Variants in IFT52 observed in about 807,000 individuals in gnomAD.
IFT52 encodes the protein intraflagellar transport protein 52 homolog.
A neutral mutation model predicts 54.4 loss-of-function variants in IFT52; 44 were observed. The observed-to-expected ratio is 0.81, with a 90% CI of 0.63 to 1.04. The LOEUF (loss-of-function observed/expected upper bound fraction) is 1.04, where lower values mean the gene tolerates loss of function less well. Ranked by LOEUF, IFT52 falls within the 50% of genes least tolerant of loss-of-function variation. The pLI is 0.00. For synonymous variants in IFT52, 181 were observed against 185.3 expected, an observed-to-expected ratio of 0.98 and a Z score of 0.19; for missense variants, 452 against 523.6, an observed-to-expected ratio of 0.86 and a Z score of 1.33.
intron 1 of IFT52, among the ~76,000 whole-genome samples, chr20:43,591,789 G>C (rs1203842282): frequency 6.6e-6 from 1 of 152,106 alleles, no homozygotes; most frequent in Non-Finnish European, 1.5e-5. Flanking sequence ...CGTAGTCCTG[G>C]CTACTTGGTA....
intron 12 of IFT52, among the ~76,000 whole-genome samples, chr20:43,641,583 T>C (rs1296861473): frequency 2.0e-5 from 3 of 151,146 alleles, no homozygotes; most frequent in Non-Finnish European, 4.4e-5. Flanking sequence ...AACCTCCGCC[T>C]CCCAGGGTTA....
chr20:43,600,067 A>T (rs1171788497), intron 3 of IFT52, among the ~76,000 whole-genome samples: 1 of 152,202 alleles, frequency 6.6e-6, no homozygotes, highest in African/African-American at 2.4e-5. Flanking sequence ...ATGCATATAT[A>T]TACTAGAAGA....
At chr20:43,623,455 G>T (rs1326885511) in intron 9 of IFT52, among the ~76,000 whole-genome samples, 2 of 152,176 alleles carry the variant, frequency 1.3e-5, no homozygotes, top group Non-Finnish European at 2.9e-5. Flanking sequence ...CCAAAGTGTT[G>T]TAGGTGTGAG....
chr20:43,638,207 T>G (rs916819874), intron 12 of IFT52, among the ~76,000 whole-genome samples: 2 of 138,460 alleles, frequency 1.4e-5, no homozygotes, highest in Admixed American at 7.2e-5. Flanking sequence ...TTTTTTTTTT[T>G]GAGACAAAGT....
chr20:43,604,391 G>A, intron 5 of IFT52, 133 bp downstream of exon 5: 1 of 587,074 alleles, frequency 1.7e-6, no homozygotes, highest in Non-Finnish European at 3.0e-6. Flanking sequence ...CCAACATGGT[G>A]AAACCCCATC....
At chr20:43,592,971 C>T (rs993757487) in intron 1 of IFT52, among the ~76,000 whole-genome samples, 5 of 152,188 alleles carry the variant, frequency 3.3e-5, no homozygotes, top group South Asian at 2.1e-4. Flanking sequence ...CACTGGTGCG[C>T]GCCTGTAGTC....
At chr20:43,629,899 A>T (rs1985038645) in intron 10 of IFT52, among the ~76,000 whole-genome samples, 1 of 152,230 alleles carries the variant, frequency 6.6e-6, no homozygotes, top group Non-Finnish European at 1.5e-5. Flanking sequence ...AGAGAAATTA[A>T]GTGATTTGCT....
At chr20:43,614,810 T>C (rs1464351340) in intron 7 of IFT52, among the ~76,000 whole-genome samples, 2 of 130,790 alleles carry the variant, frequency 1.5e-5, no homozygotes, top group Non-Finnish European at 3.2e-5. Context: ...TTTCTTTTTC[T>C]TTTTTTTTTT....
intron 10 of IFT52, among the ~76,000 whole-genome samples, chr20:43,630,166 G>C (rs1230356266): frequency 6.6e-6 from 1 of 152,078 alleles, no homozygotes; most frequent in Non-Finnish European, 1.5e-5. Flanking sequence ...TTGAGCTCTG[G>C]TGTTCTCTTC....
chr20:43,635,922 A>T lies in IFT52; in HGVS notation c.924-4A>T. 1 of 1,614,002 alleles carries T rather than the reference A, an allele frequency of 6.2e-7. No individual in the cohort carries two copies. The highest frequency in any genetic ancestry group is 8.5e-7 in the Non-Finnish European group (1 of 1,179,876). On this transcript the variant is annotated splice_polypyrimidine_tract_variant and splice_region_variant and intron_variant, in intron 10 of 13. Transcript: ENST00000373030. ...CCTGCTTTTTTGTTTGATTATGAAC[A>T]CAGGGCTCACGAGCAGCTAAATGTG...
Position 43,590,980 on chromosome 20 carries a change from G to C in IFT52, c.-81G>C, listed in dbSNP as rs1303479553. 1 of 152,284 alleles carries C rather than the reference G, an allele frequency of 6.6e-6. No individual in the cohort carries two copies. Among genetic ancestry groups the C allele is most frequent in the Non-Finnish European group, 1.5e-5 (1 of 68,056 alleles). The allele number at this position is 152,284 out of a possible 1,614,324, so 9.4% of individuals were successfully genotyped here. On this transcript the variant is annotated 5_prime_UTR_variant, in exon 1 of 14. Transcript: ENST00000373030. ...CCCGGCGCACCGACGCGCCTCTCCG[G>C]TTACTAAGCGGCCTTGGATACCTGG...
chr20:43,603,311 G>A lies in IFT52; in HGVS notation c.208-449G>A, dbSNP rs1982601115. Among the ~76,000 whole-genome samples the A allele has an allele frequency of 2.6e-5, 4 of 152,176 alleles. No individual in the cohort carries two copies. The South Asian group carries it at 6.2e-4, about 24-fold the overall frequency. On this transcript the variant is annotated intron_variant, in intron 3 of 13. Coordinates refer to ENST00000373030, the MANE Select transcript of IFT52 (RefSeq NM_016004.5). The stretch of plus-strand genomic sequence containing the variant: ...GACTTCATCCTGATATCCTCTGTGG[G>A]CAGTCAAGAGAAGGCATTGTCTAAA...
intron 6 of IFT52, among the ~76,000 whole-genome samples, chr20:43,612,094 TC>T (rs576048022): frequency 2.0e-5 from 3 of 152,106 alleles, no homozygotes; most frequent in Non-Finnish European, 4.4e-5. Context: ...GTGTCCGTTC[TC>T]CCTTATGCCT....
chr20:43,646,337 G>A (rs1407108232), intron 13 of IFT52, among the ~76,000 whole-genome samples: 2 of 152,184 alleles, frequency 1.3e-5, no homozygotes, highest in African/African-American at 2.4e-5. Context: ...AGACCAATTA[G>A]GTTCTGAGCC....
intron 9 of IFT52, among the ~76,000 whole-genome samples, chr20:43,622,847 T>C (rs1322781016): frequency 6.6e-6 from 1 of 150,706 alleles, no homozygotes; most frequent in East Asian, 1.9e-4. Flanking sequence ...AATATAAATA[T>C]ATACATATAT....
intron 6 of IFT52, 198 bp downstream of exon 6, chr20:43,605,271 C>T: frequency 7.7e-7 from 1 of 1,301,516 alleles, no homozygotes; most frequent in Middle Eastern, 3.1e-4. Flanking sequence ...TTAGGCCCAG[C>T]ATGGTGGCTC....
At chr20:43,607,428 G>T (rs1051006586) in intron 6 of IFT52, among the ~76,000 whole-genome samples, 61 of 151,470 alleles carry the variant, frequency 4.0e-4, no homozygotes, top group African/African-American at 1.4e-3. Flanking sequence ...CGGCTGCCGG[G>T]CGGAGGGGCT....
At chr20:43,602,238 C>T (rs2145595820) in intron 3 of IFT52, among the ~76,000 whole-genome samples, 1 of 151,926 alleles carries the variant, frequency 6.6e-6, no homozygotes, top group South Asian at 2.1e-4. Context: ...ATTCTCGGCT[C>T]ATTGCAACCT....
chr20:43,604,200 GTA>G lies in IFT52; in HGVS notation c.359_360del (p.Tyr120SerfsTer7), dbSNP rs1982675667. The G allele has an allele frequency of 1.9e-6, 3 of 1,608,662 alleles. No homozygotes were observed. The East Asian group carries it at 6.7e-5, about 36-fold the overall frequency. On this transcript the variant is annotated frameshift_variant, in exon 5 of 14. Transcript: ENST00000373030. LOFTEE classifies it high-confidence loss of function. ...MVNNDAVVRN[V>X]YHKYFHPKEA... is the part of the protein sequence containing the mutation. ...CCTCATAGATGCTGTGGTTAGAAAT[GTA>G]TATCACAAATATTTCCATCCTAAAG...
Sources: gnomAD v4.1 joint callset for allele counts (sites outside exome capture counted in the v4.1 genomes callset) on GRCh38, gnomAD v4.1.1 for gene constraint, MANE v1.5 for transcripts, NCBI Gene and HGNC (gene_info 2026-07-23, HGNC 2026-07-21) for gene names.